Variants in SUMF1 observed in about 807,000 individuals in gnomAD.
SUMF1 encodes the protein formylglycine-generating enzyme.
A neutral mutation model predicts 47.6 loss-of-function variants in SUMF1; 48 were observed. That is an observed-to-expected ratio of 1.01 (90% confidence interval 0.80 to 1.28). The LOEUF (loss-of-function observed/expected upper bound fraction) is 1.28. Ranked by LOEUF, SUMF1 falls within the 50% of genes most tolerant of loss-of-function variation. The pLI is 0.00. For synonymous variants in SUMF1, 230 were observed against 192.1 expected (o/e 1.20, Z -1.63); for missense variants, 571 against 485.4 (o/e 1.18, Z -1.66).
intron 8 of SUMF1, among the ~76,000 whole-genome samples, chr3:4,134,008 C>T (rs1024473392): frequency 2.0e-5 from 3 of 151,984 alleles, no homozygotes; most frequent in Non-Finnish European, 4.4e-5. Flanking sequence ...GGGGCACACA[C>T]AATAATAATG....
intron 8 of SUMF1, among the ~76,000 whole-genome samples, chr3:4,188,988 C>A (rs112957677): frequency 6.6e-6 from 1 of 151,896 alleles, no homozygotes; most frequent in Non-Finnish European, 1.5e-5. Context: ...CCATTTTGAC[C>A]GACAAAAACA....
At chr3:4,297,850 T>A (rs1307503931) in intron 8 of SUMF1, among the ~76,000 whole-genome samples, 1 of 152,136 alleles carries the variant, frequency 6.6e-6, no homozygotes, top group Non-Finnish European at 1.5e-5. Flanking sequence ...GAAACTTTGA[T>A]AAAAGAATGG....
At chr3:4,252,958 C>T (rs1696840301) in intron 8 of SUMF1, among the ~76,000 whole-genome samples, 1 of 152,168 alleles carries the variant, frequency 6.6e-6, no homozygotes, top group Non-Finnish European at 1.5e-5. Context: ...CTCATCAAAC[C>T]AGCATTGGAA....
intron 3 of SUMF1, among the ~76,000 whole-genome samples, chr3:4,430,179 T>C (rs1049739466): frequency 4.6e-5 from 7 of 152,262 alleles, no homozygotes; most frequent in Non-Finnish European, 7.4e-5. Flanking sequence ...TTCCATAAGA[T>C]GGTAGTAGGT....
chr3:4,078,259 C>T (rs191908890), intron 8 of SUMF1, among the ~76,000 whole-genome samples: 2 of 152,216 alleles, frequency 1.3e-5, no homozygotes, highest in African/African-American at 4.8e-5. Flanking sequence ...ATGGGGCTGG[C>T]TTTCCAGACA....
chr3:4,121,650 C>G (rs937982077), intron 8 of SUMF1, among the ~76,000 whole-genome samples: 1 of 152,054 alleles, frequency 6.6e-6, no homozygotes, highest in Non-Finnish European at 1.5e-5. Flanking sequence ...TAGGTATATA[C>G]CCAAAAGAAG....
intron 1 of SUMF1, among the ~76,000 whole-genome samples, chr3:4,456,942 GTACATATATACGTGTGTGTA>G (rs1357281488): frequency 6.9e-5 from 8 of 116,096 alleles, no homozygotes; most frequent in African/African-American, 2.3e-4. Flanking sequence ...ATACGTGTGT[GTACATATATACGTGTGTGTA>G]TATATATACG....
intron 3 of SUMF1, among the ~76,000 whole-genome samples, chr3:4,437,699 G>T (rs968413799): frequency 6.6e-6 from 1 of 152,142 alleles, no homozygotes; most frequent in African/African-American, 2.4e-5. Context: ...AGCACTTTGG[G>T]AGGCTGAGGT....
chr3:4,124,375 A>T (rs948586098), intron 8 of SUMF1, among the ~76,000 whole-genome samples: 10 of 152,138 alleles, frequency 6.6e-5, no homozygotes, highest in African/African-American at 2.4e-4. Flanking sequence ...TGTTTATGAA[A>T]CACAATGTTA....
At chr3:4,064,918 A>T (rs1433508013) in intron 9 of SUMF1, among the ~76,000 whole-genome samples, 1 of 152,188 alleles carries the variant, frequency 6.6e-6, no homozygotes, top group Admixed American at 6.5e-5. Context: ...CACAGCAAAA[A>T]GTGGTGAGTT....
At chr3:4,242,548 T>G (rs1175867006) in intron 8 of SUMF1, among the ~76,000 whole-genome samples, 3 of 152,234 alleles carry the variant, frequency 2.0e-5, no homozygotes, top group Non-Finnish European at 4.4e-5. Flanking sequence ...TTTTTGTCAT[T>G]GGTTCTGTTT....
chr3:4,254,254 C>T (rs915348166), intron 8 of SUMF1, among the ~76,000 whole-genome samples: 2 of 151,954 alleles, frequency 1.3e-5, no homozygotes, highest in African/African-American at 4.8e-5. Context: ...CGGAACAAAG[C>T]TGGATGGAGA....
At chr3:4,444,134 G>C (rs949790293) in intron 3 of SUMF1, among the ~76,000 whole-genome samples, 1 of 152,122 alleles carries the variant, frequency 6.6e-6, no homozygotes, top group African/African-American at 2.4e-5. Context: ...CTTTTCAATA[G>C]CAATGCTTTA....
At chr3:4,107,554 T>C (rs80185084) in intron 8 of SUMF1, among the ~76,000 whole-genome samples, 4,109 of 152,238 alleles carry the variant, frequency 0.027, 85 homozygotes, top group African/African-American at 0.038. Flanking sequence ...TAAAGGACTC[T>C]CTTCGTTGTA....
At chr3:4,266,431 G>T (rs911409382) in intron 8 of SUMF1, among the ~76,000 whole-genome samples, 1 of 152,048 alleles carries the variant, frequency 6.6e-6, no homozygotes, top group Non-Finnish European at 1.5e-5. Flanking sequence ...AGTTCTCCTT[G>T]AAGAGGTCCT....
intron 8 of SUMF1, among the ~76,000 whole-genome samples, chr3:4,295,376 G>A (rs1268499979): frequency 6.6e-6 from 1 of 151,864 alleles, no homozygotes; most frequent in African/African-American, 2.4e-5. Flanking sequence ...TTGGTAGATT[G>A]CTCTAAAATA....
At chr3:4,103,797 C>A (rs972723545) in intron 8 of SUMF1, among the ~76,000 whole-genome samples, 9 of 152,158 alleles carry the variant, frequency 5.9e-5, no homozygotes, top group South Asian at 4.2e-4. Flanking sequence ...GAACAGAGGC[C>A]AAGAACCTTG....
At chr3:4,312,869 C>A (rs768557194) in intron 8 of SUMF1, 10 of 1,565,042 alleles carry the variant, frequency 6.4e-6, no homozygotes, top group Non-Finnish European at 8.6e-6. Context: ...ACATGCCGTG[C>A]TGACTTACAG....
At chr3:4,412,292 G>A (rs970617116) in intron 6 of SUMF1, among the ~76,000 whole-genome samples, 1 of 152,334 alleles carries the variant, frequency 6.6e-6, no homozygotes, top group Middle Eastern at 3.4e-3. Flanking sequence ...CTGAAATGCA[G>A]AATGGGATGA....
Sources: allele counts gnomAD v4.1 joint callset (sites outside exome capture counted in the v4.1 genomes callset), GRCh38; gene constraint gnomAD v4.1.1; transcripts MANE v1.5; gene names NCBI Gene and HGNC (gene_info 2026-07-23, HGNC 2026-07-21).